Variants in ADGB observed in about 807,000 individuals in gnomAD.
ADGB encodes androglobin.
In ADGB, 172 loss-of-function variants were observed where a neutral mutation model predicts 210.5. That is an observed-to-expected ratio of 0.82 (90% CI 0.72 to 0.93). The LOEUF (loss-of-function observed/expected upper bound fraction) is 0.93, where lower values mean the gene tolerates loss of function less well. Ranked by LOEUF, ADGB falls within the 40% of genes least tolerant of loss-of-function variation. The pLI, the probability that ADGB is intolerant of heterozygous loss-of-function variation, is 0.00. For missense variants in ADGB, 2,025 were observed against 1,964.8 expected (o/e 1.03, Z -0.58); for synonymous variants, 658 against 662.7 (o/e 0.99, Z 0.11).
chr6:146,765,438 T>A (rs145807749), intron 28 of ADGB, among the ~76,000 whole-genome samples: 6 of 152,002 alleles, frequency 3.9e-5, no homozygotes, highest in African/African-American at 1.4e-4. Flanking sequence ...TTGGCACACA[T>A]GAGATTTTTT....
chr6:146,677,072 C>A (rs1290002225), intron 9 of ADGB, among the ~76,000 whole-genome samples: 1 of 152,142 alleles, frequency 6.6e-6, no homozygotes, highest in Admixed American at 6.6e-5. Flanking sequence ...TTTAATTAAT[C>A]TTTCCAATTT....
At chr6:146,664,155 A>T (rs935239949) in intron 5 of ADGB, 46 bp from the exon 6 acceptor site, 3 of 1,486,260 alleles carry the variant, frequency 2.0e-6, no homozygotes, top group Non-Finnish European at 2.7e-6. Flanking sequence ...GAGAGAAAAG[A>T]CTGTAAGCCA....
intron 29 of ADGB, 105 bp from the exon 30 acceptor site, chr6:146,781,915 T>C: frequency 1.3e-6 from 1 of 784,324 alleles, no homozygotes; most frequent in Non-Finnish European, 1.8e-6. Context: ...AAAATACAAA[T>C]CTATTAGCTT....
At position 146,769,336 on chromosome 6, in the gene ADGB, A is replaced by G. The variant is rs1777621110; in HGVS notation, c.3862+205A>G. Among the ~76,000 whole-genome samples, 3 of 152,248 alleles carry G rather than the reference A, an allele frequency of 2.0e-5. No individual in the cohort carries two copies. The South Asian group carries it at 6.2e-4, about 32-fold the overall frequency. On this transcript the variant is annotated intron_variant, in intron 29 of 35. Transcript: ENST00000397944. ...TATTTTTACTGCCTGTTTTATAAGG[A>G]AAAAATATGATTAGTTAGATGTAAT...
At chr6:146,681,106 TTTGGATA>T (rs1315142088) in intron 9 of ADGB, among the ~76,000 whole-genome samples, 18 of 152,280 alleles carry the variant, frequency 1.2e-4, no homozygotes, top group East Asian at 7.7e-4. Context: ...CAGGATATAT[TTTGGATA>T]TTTGTCCTCG....
At chr6:146,667,025 T>C in intron 7 of ADGB, 123 bp downstream of exon 7, 1 of 636,360 alleles carries the variant, frequency 1.6e-6, no homozygotes, top group Non-Finnish European at 2.7e-6. Flanking sequence ...TGGGGGAAAA[T>C]ATCGTTTTGT....
At chr6:146,710,887 G>A (rs1210385542) in intron 13 of ADGB, among the ~76,000 whole-genome samples, 1 of 152,088 alleles carries the variant, frequency 6.6e-6, no homozygotes, top group Non-Finnish European at 1.5e-5. Flanking sequence ...TAGGCTTCAT[G>A]AGGGCAGAGA....
chr6:146,682,770 C>T (rs1252473350), intron 9 of ADGB, among the ~76,000 whole-genome samples: 3 of 152,072 alleles, frequency 2.0e-5, no homozygotes, highest in Non-Finnish European at 4.4e-5. Context: ...GATAATAGAA[C>T]AAATAGGAAT....
At chr6:146,707,776 T>G (rs1259463484) in intron 13 of ADGB, among the ~76,000 whole-genome samples, 1 of 152,100 alleles carries the variant, frequency 6.6e-6, no homozygotes, top group East Asian at 1.9e-4. Flanking sequence ...AGTCTTTGTT[T>G]TTTAAATACA....
At chr6:146,663,118 A>AATAAATATATAATTATATATATAATT (rs1160044464) in intron 5 of ADGB, among the ~76,000 whole-genome samples, 2 of 141,306 alleles carry the variant, frequency 1.4e-5, no homozygotes, top group African/African-American at 5.1e-5. Context: ...GTATAAATAT[A>AATAAATATATAATTATATATATAATT]ATAAATATAT....
At position 146,752,456 on chromosome 6, in the gene ADGB, C is replaced by G. The variant is rs1343177721; in HGVS notation, c.3366-74C>G. ...GCAGATTTGGGCAGGGACATATATC[C>G]AAACTATCTCACTTACTGACTTGAG... On this transcript the variant is annotated intron_variant, in intron 26 of 35. Transcript: ENST00000397944. The G allele has an allele frequency of 3.7e-6, 5 of 1,362,358 alleles. No homozygotes were observed. In the African/African-American group the frequency reaches 4.4e-5, roughly 12 times the overall value. 84.4% of individuals were successfully genotyped at this position (1,362,358 alleles called of 1,614,324 possible). A position where few individuals can be genotyped will look rare whatever the true frequency, so the allele number is the denominator to read the frequency against.
intron 1 of ADGB, among the ~76,000 whole-genome samples, chr6:146,604,185 G>A (rs1406704102): frequency 1.3e-5 from 2 of 152,140 alleles, no homozygotes; most frequent in African/African-American, 4.8e-5. Context: ...CAATGTGGCC[G>A]AGGACTTTGA....
chr6:146,733,394 A>C, intron 21 of ADGB, 139 bp downstream of exon 21: 1 of 801,244 alleles, frequency 1.2e-6, no homozygotes, highest in Non-Finnish European at 1.8e-6. Flanking sequence ...CTAAGAGCTC[A>C]AGGGGCTCCA....
intron 10 of ADGB, among the ~76,000 whole-genome samples, chr6:146,686,195 C>A (rs1221207140): frequency 6.6e-6 from 1 of 151,864 alleles, no homozygotes; most frequent in Non-Finnish European, 1.5e-5. Context: ...ATAAATAGGC[C>A]ACATGCGTTT....
chr6:146,770,425 T>C (rs1039557984), intron 29 of ADGB: 6 of 257,876 alleles, frequency 2.3e-5, no homozygotes, highest in African/African-American at 1.4e-4. Context: ...TGTGCTTCCA[T>C]AGCAACGCAT....
At chr6:146,658,166 C>A (rs74607453) in intron 5 of ADGB, among the ~76,000 whole-genome samples, 360 of 151,912 alleles carry the variant, frequency 2.4e-3, no homozygotes, top group Middle Eastern at 6.8e-3. Flanking sequence ...ATGGGAAGGG[C>A]AAAGGGAAAA....
rs553035244 is a variant in ADGB, at chr6:146,717,173, T to C, written c.1928+104T>C. On this transcript the variant is annotated intron_variant, in intron 15 of 35. Coordinates refer to ENST00000397944, the MANE Select transcript of ADGB (RefSeq NM_024694.4). ...AAGATTTATTTTTGCATATTTAATA[T>C]AGTGGTTATATAACCTATTAATTCT... is the stretch of plus-strand genomic sequence containing the variant. The C allele has an allele frequency of 6.3e-6, 6 of 957,108 alleles. No individual in the cohort carries two copies. In the East Asian group the frequency reaches 1.3e-4, roughly 21 times the overall value. The allele number at this position is 957,108 out of a possible 1,614,324, so 59.3% of individuals were successfully genotyped here.
intron 17 of ADGB, 62 bp downstream of exon 17, chr6:146,721,567 G>T (rs1776815454): frequency 7.4e-6 from 2 of 271,342 alleles, no homozygotes; most frequent in Non-Finnish European, 5.5e-6. Context: ...CTAGGGCGTG[G>T]TGGCTCACGC....
In ADGB at chr6:146,657,013, G is replaced by A. The variant is rs578045630; in HGVS notation, c.612+33G>A. ...CATTTTCGTGTGCATAAAAACTCAT[G>A]AGTCTTTCATATTGAAATATACTTG... On this transcript the variant is annotated intron_variant, in intron 5 of 35. Transcript: ENST00000397944. 16 of 1,498,436 alleles carry A rather than the reference G, an allele frequency of 1.1e-5. No individual in the cohort carries two copies. The African/African-American group carries it at 1.3e-4, about 12-fold the overall frequency. 92.8% of individuals were successfully genotyped at this position (1,498,436 alleles called of 1,614,324 possible).
Sources: allele counts gnomAD v4.1 joint callset (sites outside exome capture counted in the v4.1 genomes callset), GRCh38; gene constraint gnomAD v4.1.1; transcripts MANE v1.5; gene names NCBI Gene and HGNC (gene_info 2026-07-23, HGNC 2026-07-21).